Variants in MAML3 observed in about 807,000 individuals in gnomAD.
The protein encoded by MAML3 is mastermind like transcriptional coactivator 3, also known as mastermind-like protein 3.
A neutral mutation model predicts 101.9 loss-of-function variants in MAML3; 27 were observed. The observed-to-expected ratio is 0.27, with a 90% CI of 0.20 to 0.37. MAML3 has a LOEUF of 0.37. Ranked by LOEUF, MAML3 falls within the 10% of genes least tolerant of loss-of-function variation. The probability of loss-of-function intolerance (pLI) is 1.00; values close to 1 mark genes in which losing one functional copy is unlikely to be tolerated. For synonymous variants in MAML3, 501 were observed against 555.9 expected (o/e 0.90, Z 1.39); for missense variants, 1,316 against 1,444.9 (o/e 0.91, Z 1.45).
At chr4:139,836,332 T>C (rs528133543) in intron 2 of MAML3, among the ~76,000 whole-genome samples, 5 of 152,106 alleles carry the variant, frequency 3.3e-5, no homozygotes, top group African/African-American at 1.2e-4. Context: ...AGCTCATCAG[T>C]AAATGAAAAA....
At chr4:140,027,148 T>C (rs1218455252) in intron 1 of MAML3, among the ~76,000 whole-genome samples, 2 of 152,162 alleles carry the variant, frequency 1.3e-5, no homozygotes, top group African/African-American at 2.4e-5. Flanking sequence ...GTGACTCACA[T>C]GGCGTGCTTG....
Position 139,914,071 on chromosome 4 carries a change from G to A in MAML3, c.469-23104C>T, listed in dbSNP as rs1481713804. ...TCCTCCCTTCCTTCCACAGCTCCTC[G>A]TATATATATTTTTAAAAGCATTTAG... On this transcript the variant is annotated intron_variant, in intron 1 of 4. Transcript: ENST00000509479. 2.0e-5 allele frequency among the ~76,000 whole-genome samples: 3 copies of A among 151,888 alleles called. No individual in the cohort carries two copies. In the Middle Eastern group the frequency reaches 0.01, roughly 520 times the overall value.
At chr4:139,724,860 G>A (rs1728401416) in intron 4 of MAML3, among the ~76,000 whole-genome samples, 1 of 150,584 alleles carries the variant, frequency 6.6e-6, no homozygotes, top group African/African-American at 2.4e-5. Context: ...CCGGGTTCAA[G>A]CGATTCTTGT....
At position 139,717,104 on chromosome 4, in the gene MAML3, A is replaced by AACTT. The variant is rs1220632444; in HGVS notation, c.*2215_*2218dup. On this transcript the variant is annotated 3_prime_UTR_variant, in exon 5 of 5. Transcript: ENST00000509479. ...CCAGTGATATCTGCAGTATTGTAAA[A>AACTT]ACTTATGTACAAATAACTTTTTTTA... The AACTT allele has an allele frequency of 1.3e-5, 2 of 152,494 alleles. No individual in the cohort carries two copies. Among genetic ancestry groups the AACTT allele is most frequent in the African/African-American group, 2.4e-5 (1 of 41,448 alleles). 9.4% of individuals were successfully genotyped at this position (152,494 alleles called of 1,614,324 possible).
chr4:139,831,168 T>C (rs1731157560), intron 2 of MAML3, among the ~76,000 whole-genome samples: 1 of 152,172 alleles, frequency 6.6e-6, no homozygotes, highest in South Asian at 2.1e-4. Context: ...AGGTTTCCAA[T>C]TACTTGTTGC....
intron 2 of MAML3, among the ~76,000 whole-genome samples, chr4:139,872,269 C>G (rs866539347): frequency 2.2e-4 from 34 of 152,126 alleles, no homozygotes; most frequent in African/African-American, 7.2e-4. Flanking sequence ...TGGCAAGGAC[C>G]ATGGCTTTTA....
chr4:140,057,991 G>A (rs1371082057), intron 1 of MAML3, among the ~76,000 whole-genome samples: 1 of 151,076 alleles, frequency 6.6e-6, no homozygotes. Flanking sequence ...TCACTTCCAG[G>A]TTCAGATGAC....
At chr4:139,881,780 C>A (rs1732225518) in intron 2 of MAML3, among the ~76,000 whole-genome samples, 2 of 152,348 alleles carry the variant, frequency 1.3e-5, no homozygotes, top group East Asian at 1.9e-4. Flanking sequence ...CCGCTCACTG[C>A]AACCTCTGCC....
chr4:140,011,342 G>GTT (rs1251237879), intron 1 of MAML3, among the ~76,000 whole-genome samples: 4 of 93,062 alleles, frequency 4.3e-5, no homozygotes, highest in Non-Finnish European at 7.3e-5. Flanking sequence ...TTCTTGTTTT[G>GTT]TTTTTTTTTT....
At chr4:140,007,618 G>C (rs984512523) in intron 1 of MAML3, among the ~76,000 whole-genome samples, 1 of 152,246 alleles carries the variant, frequency 6.6e-6, no homozygotes, top group African/African-American at 2.4e-5. Context: ...ACAAAAGGGA[G>C]GTGGTCGGGG....
rs138310683 is a variant in MAML3 at position 139,870,309 on chromosome 4, C to T, written c.2079+19048G>A. Among the ~76,000 whole-genome samples, 408 of 152,256 alleles carry T rather than the reference C, an allele frequency of 2.7e-3. 3 individuals are homozygous for T. Among genetic ancestry groups the T allele is most frequent in the Non-Finnish European group, 4.0e-3 (274 of 68,022 alleles). The stretch of plus-strand genomic sequence containing the variant: ...CCCCGTTCCCCTCACCCCACCCTAC[C>T]CCTGGCCCCCAAGTTGTGACAACCA... On this transcript the variant is annotated intron_variant, in intron 2 of 4. Coordinates refer to ENST00000509479, the MANE Select transcript of MAML3 (RefSeq NM_018717.5).
At chr4:140,151,756 G>C (rs913495605) in intron 1 of MAML3, among the ~76,000 whole-genome samples, 3 of 150,300 alleles carry the variant, frequency 2.0e-5, no homozygotes, top group Non-Finnish European at 4.4e-5. Flanking sequence ...GAAAGCAAAA[G>C]AACCGGAGAG....
At chr4:139,899,108 G>C (rs1468441566) in intron 1 of MAML3, among the ~76,000 whole-genome samples, 1 of 152,168 alleles carries the variant, frequency 6.6e-6, no homozygotes, top group Non-Finnish European at 1.5e-5. Flanking sequence ...TGATTCTTCC[G>C]GGGCTGTTGG....
At chr4:140,072,708 A>C (rs1338502487) in intron 1 of MAML3, among the ~76,000 whole-genome samples, 1 of 151,882 alleles carries the variant, frequency 6.6e-6, no homozygotes, top group Non-Finnish European at 1.5e-5. Context: ...GGACGTCCGT[A>C]AGTTATATGC....
In MAML3 at chr4:139,875,555, G is replaced by T. The variant is rs185704296; in HGVS notation, c.2079+13802C>A. 2.5e-3 allele frequency among the ~76,000 whole-genome samples: 380 copies of T among 152,114 alleles called. 3 individuals are homozygous for T. Among genetic ancestry groups the T allele is most frequent in the African/African-American group, 8.7e-3 (362 of 41,500 alleles). ...CAAAACCCTAGAAAACAAGCCCAGC[G>T]CACCAGCCACTCTCATTGACATGTT... On this transcript the variant is annotated intron_variant, in intron 2 of 4. Coordinates refer to ENST00000509479, the MANE Select transcript of MAML3 (RefSeq NM_018717.5).
chr4:140,089,733 G>C (rs1234705134), intron 1 of MAML3, among the ~76,000 whole-genome samples: 1 of 152,202 alleles, frequency 6.6e-6, no homozygotes, highest in Non-Finnish European at 1.5e-5. Context: ...GTGGTTACTG[G>C]GGATTGGAGG....
At chr4:139,926,059 G>A (rs972746307) in intron 1 of MAML3, among the ~76,000 whole-genome samples, 7 of 152,156 alleles carry the variant, frequency 4.6e-5, no homozygotes, top group African/African-American at 1.7e-4. Flanking sequence ...GCCCTCAACA[G>A]AGGATTCAGA....
intron 2 of MAML3, among the ~76,000 whole-genome samples, chr4:139,781,712 A>G (rs1730219051): frequency 6.6e-6 from 1 of 152,094 alleles, no homozygotes; most frequent in Admixed American, 6.6e-5. Context: ...TAGGGCACTG[A>G]GCTCAAGCCA....
intron 1 of MAML3, among the ~76,000 whole-genome samples, chr4:140,027,742 A>G (rs1443690264): frequency 6.6e-6 from 1 of 152,200 alleles, no homozygotes; most frequent in Non-Finnish European, 1.5e-5. Context: ...TTTTCAATCA[A>G]TTTGACACAT....
Sources: gnomAD v4.1 joint callset for allele counts (sites outside exome capture counted in the v4.1 genomes callset) on GRCh38, gnomAD v4.1.1 for gene constraint, MANE v1.5 for transcripts, NCBI Gene and HGNC (gene_info 2026-07-23, HGNC 2026-07-21) for gene names.